Variants in CYYR1 observed in about 807,000 individuals in gnomAD.
The protein encoded by CYYR1 is cysteine and tyrosine-rich protein 1.
In CYYR1, 14 loss-of-function variants were observed where a neutral mutation model predicts 15.2. The ratio of observed to expected loss-of-function variants is 0.92; its 90% CI spans 0.61 to 1.44. CYYR1 has a LOEUF of 1.44. CYYR1 is among the 40% of genes most tolerant of loss of function. The pLI is 0.00. For synonymous variants in CYYR1, 80 were observed against 77.4 expected, an observed-to-expected ratio of 1.03 and a Z score of -0.18; for missense variants, 228 against 209.5, an observed-to-expected ratio of 1.09 and a Z score of -0.54.
In CYYR1 at chr21:26,502,105, T is replaced by A. The variant is rs571310635; in HGVS notation, c.177-21676A>T. Among the ~76,000 whole-genome samples the A allele has an allele frequency of 1.2e-4, 18 of 152,314 alleles. No individual in the cohort carries two copies. The South Asian group carries it at 3.5e-3, about 30-fold the overall frequency. On this transcript the variant is annotated intron_variant, in intron 2 of 3. Transcript: ENST00000652641. ...ATTCTAAATTTTAAAAATAAAGCAC[T>A]GATTTATGCACCCCAAATCTAATGA...
chr21:26,512,399 C>T (rs2065661187), intron 2 of CYYR1, among the ~76,000 whole-genome samples: 2 of 151,976 alleles, frequency 1.3e-5, no homozygotes, highest in African/African-American at 2.4e-5. Flanking sequence ...AACGGGGTTC[C>T]ACTATGTTGG....
intron 2 of CYYR1, among the ~76,000 whole-genome samples, chr21:26,523,065 C>T (rs1394897345): frequency 1.3e-5 from 2 of 152,048 alleles, no homozygotes; most frequent in Non-Finnish European, 1.5e-5. Flanking sequence ...GAATTATTTT[C>T]GAAGTTTAAC....
intron 2 of CYYR1, 131 bp from the exon 3 acceptor site, chr21:26,480,560 C>CT: frequency 8.3e-6 from 7 of 841,542 alleles, no homozygotes; most frequent in South Asian, 3.0e-5. Context: ...GTGTGTTTTT[C>CT]TTTTCTTTTT....
Position 26,499,395 on chromosome 21 carries a change from T to C in CYYR1, c.177-18966A>G, listed in dbSNP as rs141325180. Among the ~76,000 whole-genome samples, 51 of 152,364 alleles carry C rather than the reference T, an allele frequency of 3.3e-4. 1 individual carries two copies. Among genetic ancestry groups the C allele is most frequent in the African/African-American group, 1.1e-3 (44 of 41,588 alleles). On this transcript the variant is annotated intron_variant, in intron 2 of 3. Coordinates refer to ENST00000652641, the MANE Select transcript of CYYR1 (RefSeq NM_001320768.2). ...AAACTGGGAGAGGTAAGGAAGGTTT[T>C]TCCTCTAGGGATTCCAGAGGGAGTA...
intron 2 of CYYR1, among the ~76,000 whole-genome samples, chr21:26,559,237 T>G (rs556004914): frequency 6.6e-6 from 1 of 152,312 alleles, no homozygotes; most frequent in South Asian, 2.1e-4. Context: ...TTCACTTGTT[T>G]ATGGACCATC....
In CYYR1 at chr21:26,572,882, A is replaced by T. The variant is rs2123757628; in HGVS notation, c.59T>A (p.Leu20His). Residue 20 changes from leucine (L) to histidine (H), a missense_variant, in exon 1 of 4, where the codon CTC becomes CAC. Physicochemically the swap from Leu to His is moderately conservative, Grantham distance 99. Coordinates refer to ENST00000652641, the MANE Select transcript of CYYR1 (RefSeq NM_001320768.2). ...PGVLLPKLVL[L>H]FVYADDCLAQ... The stretch of plus-strand genomic sequence containing the variant: ...CCGTCACTGACCTGCGTAGACAAAG[A>T]GCAGGACCAACTTCGGAAGCAAGAC... The T allele has an allele frequency of 1.2e-6, 2 of 1,614,072 alleles. No individual in the cohort carries two copies. The highest frequency in any genetic ancestry group is 1.7e-6 in the Non-Finnish European group (2 of 1,180,018).
intron 3 of CYYR1, among the ~76,000 whole-genome samples, chr21:26,474,463 A>G (rs531708285): frequency 5.6e-5 from 8 of 143,400 alleles, no homozygotes; most frequent in African/African-American, 2.1e-4. Context: ...TGCCCAAGCC[A>G]GGATCAAACT....
intron 2 of CYYR1, among the ~76,000 whole-genome samples, chr21:26,540,863 C>T (rs951979577): frequency 1.3e-5 from 2 of 151,998 alleles, no homozygotes; most frequent in African/African-American, 4.8e-5. Flanking sequence ...AACATAGATA[C>T]TATAACTATG....
At chr21:26,515,086 GAATT>G (rs2065707321) in intron 2 of CYYR1, among the ~76,000 whole-genome samples, 2 of 152,204 alleles carry the variant, frequency 1.3e-5, no homozygotes, top group African/African-American at 2.4e-5. Context: ...CTGGTTCAGT[GAATT>G]AATAACTCAT....
At chr21:26,503,827 T>C (rs2065515136) in intron 2 of CYYR1, 2 of 152,198 alleles carry the variant, frequency 1.3e-5, no homozygotes, top group South Asian at 4.1e-4. Context: ...ATTGTACAAA[T>C]CCATACAAAA....
At position 26,573,082 on chromosome 21, in the gene CYYR1, T is replaced by A. The variant is rs1244466498; in HGVS notation, c.-142A>T. ...GACCCGGCCATTGCCTAGGGAGCCTTCCAAGGGAGCCCGGGCCGGGCGCGT... is the reference window on the plus strand; with the variant it reads ...GACCCGGCCATTGCCTAGGGAGCCTACCAAGGGAGCCCGGGCCGGGCGCGT... On this transcript the variant is annotated 5_prime_UTR_variant, in exon 1 of 4. Coordinates refer to ENST00000652641, the MANE Select transcript of CYYR1 (RefSeq NM_001320768.2). The A allele has an allele frequency of 1.3e-5, 20 of 1,528,412 alleles. No homozygotes were observed. The highest frequency in any genetic ancestry group is 1.8e-5 in the Non-Finnish European group (20 of 1,139,912). The allele number at this position is 1,528,412 out of a possible 1,614,324, so 94.7% of individuals were successfully genotyped here.
chr21:26,481,184 A>C (rs2065175754), intron 2 of CYYR1, among the ~76,000 whole-genome samples: 1 of 152,158 alleles, frequency 6.6e-6, no homozygotes, highest in Non-Finnish European at 1.5e-5. Flanking sequence ...TATTTTGAAA[A>C]GCAATGGGGA....
chr21:26,522,048 C>A (rs1357403754), intron 2 of CYYR1, among the ~76,000 whole-genome samples: 1 of 152,112 alleles, frequency 6.6e-6, no homozygotes, highest in African/African-American at 2.4e-5. Flanking sequence ...TGTGTTGTTC[C>A]ATGTGGTATT....
chr21:26,508,094 A>G (rs1273440246), intron 2 of CYYR1, among the ~76,000 whole-genome samples: 1 of 152,200 alleles, frequency 6.6e-6, no homozygotes, highest in African/African-American at 2.4e-5. Context: ...AAAGCAAGAG[A>G]AAGTTGCCAG....
chr21:26,546,611 A>G (rs1176660177), intron 2 of CYYR1, among the ~76,000 whole-genome samples: 1 of 152,218 alleles, frequency 6.6e-6, no homozygotes, highest in Non-Finnish European at 1.5e-5. Context: ...TGGTGAAGTC[A>G]TTTTAAAGCC....
At chr21:26,563,154 T>C (rs771576797) in intron 2 of CYYR1, among the ~76,000 whole-genome samples, 10 of 152,126 alleles carry the variant, frequency 6.6e-5, no homozygotes, top group Non-Finnish European at 1.3e-4. Flanking sequence ...ATCTTTTAAG[T>C]TCAATTTTAA....
intron 2 of CYYR1, among the ~76,000 whole-genome samples, chr21:26,526,064 A>G (rs1296023988): frequency 6.6e-6 from 1 of 152,114 alleles, no homozygotes; most frequent in African/African-American, 2.4e-5. Flanking sequence ...AATGGGTACT[A>G]GGCTCAATAC....
intron 2 of CYYR1, among the ~76,000 whole-genome samples, chr21:26,530,048 G>C (rs1433214583): frequency 1.3e-5 from 2 of 152,106 alleles, no homozygotes; most frequent in African/African-American, 4.8e-5. Flanking sequence ...TACAACTATA[G>C]TAAATAAATA....
intron 1 of CYYR1, among the ~76,000 whole-genome samples, chr21:26,572,478 T>A (rs1245107400): frequency 6.6e-6 from 1 of 152,172 alleles, no homozygotes; most frequent in African/African-American, 2.4e-5. Flanking sequence ...AAGCTCTAAG[T>A]TTTTTTTATT....
Sources: gnomAD v4.1 joint callset for allele counts (sites outside exome capture counted in the v4.1 genomes callset) on GRCh38, gnomAD v4.1.1 for gene constraint, MANE v1.5 for transcripts, NCBI Gene and HGNC (gene_info 2026-07-23, HGNC 2026-07-21) for gene names.